The following LHFPL3 variants were observed in gnomAD, a reference collection of about 807,000 sequenced individuals.
The protein encoded by LHFPL3 is LHFPL tetraspan subfamily member 3 protein.
Under a neutral mutation model 19.3 loss-of-function variants are expected in LHFPL3, and 5 were observed. The observed-to-expected ratio is 0.26, with a 90% CI of 0.14 to 0.54. LHFPL3 has a LOEUF of 0.54. Among genes scored for constraint, LHFPL3 ranks in the 20% least tolerant of loss-of-function variants. LHFPL3 has a pLI of 0.94. For missense variants in LHFPL3, 249 were observed against 307.4 expected (o/e 0.81, Z 1.42); for synonymous variants, 133 against 126.2 (o/e 1.05, Z -0.36).
At chr7:104,448,395 C>T (rs1792371226) in intron 1 of LHFPL3, among the ~76,000 whole-genome samples, 1 of 152,128 alleles carries the variant, frequency 6.6e-6, no homozygotes, top group South Asian at 2.1e-4. Context: ...TATATGAAGA[C>T]CCTATAATTA....
chr7:104,856,080 G>C (rs1791500284), intron 2 of LHFPL3, among the ~76,000 whole-genome samples: 1 of 152,022 alleles, frequency 6.6e-6, no homozygotes, highest in Non-Finnish European at 1.5e-5. Context: ...AGAGATTCCT[G>C]CATTTAGATG....
intron 1 of LHFPL3, among the ~76,000 whole-genome samples, chr7:104,483,296 A>G (rs375144654): frequency 6.6e-5 from 10 of 152,328 alleles, no homozygotes; most frequent in East Asian, 3.9e-4. Flanking sequence ...ATTTCCCACA[A>G]GTGGTGATGC....
At chr7:104,617,049 G>T (rs1297326920) in intron 1 of LHFPL3, among the ~76,000 whole-genome samples, 1 of 152,122 alleles carries the variant, frequency 6.6e-6, no homozygotes, top group South Asian at 2.1e-4. Context: ...TTACACTGTT[G>T]GTGGAAGTGT....
chr7:104,481,157 G>T (rs373830564), intron 1 of LHFPL3, among the ~76,000 whole-genome samples: 3 of 152,312 alleles, frequency 2.0e-5, no homozygotes, highest in East Asian at 3.9e-4. Flanking sequence ...CTGTACTTCA[G>T]TGTTTGTGCC....
rs552912676 is a variant in LHFPL3, at chr7:104,684,939, A to G, written c.446-51736A>G. Among the ~76,000 whole-genome samples, 8 of 152,316 alleles carry G rather than the reference A, an allele frequency of 5.3e-5. No individual in the cohort carries two copies. In the East Asian group the frequency reaches 1.5e-3, roughly 29 times the overall value. The stretch of plus-strand genomic sequence containing the variant: ...CCTCTTTTGAGGGAAAAAGAAAATC[A>G]TTCTCATTCTATTTCTTTCATGGCA... On this transcript the variant is annotated intron_variant, in intron 1 of 2. Coordinates refer to ENST00000424859, the MANE Select transcript of LHFPL3 (RefSeq NM_199000.3).
intron 1 of LHFPL3, among the ~76,000 whole-genome samples, chr7:104,649,499 G>A (rs12705244): frequency 0.13 from 19,432 of 152,232 alleles, 1,461 homozygotes; most frequent in Non-Finnish European, 0.17. Flanking sequence ...GACAGCACCT[G>A]TCCCATAGTG....
At chr7:104,508,802 A>C (rs1584368475) in intron 1 of LHFPL3, among the ~76,000 whole-genome samples, 1 of 146,254 alleles carries the variant, frequency 6.8e-6, no homozygotes, top group Non-Finnish European at 1.5e-5. Context: ...AAAACAGAAG[A>C]AAAAAAGAGA....
At chr7:104,725,235 T>C (rs1257314079) in intron 1 of LHFPL3, among the ~76,000 whole-genome samples, 2 of 152,158 alleles carry the variant, frequency 1.3e-5, no homozygotes, top group African/African-American at 4.8e-5. Context: ...AGTTCTAAGA[T>C]AGCCTACCTT....
chr7:104,814,782 G>A (rs1294522579), intron 2 of LHFPL3, among the ~76,000 whole-genome samples: 2 of 152,242 alleles, frequency 1.3e-5, no homozygotes, highest in Non-Finnish European at 2.9e-5. Context: ...TGTCAGCACT[G>A]CCCCAAGTGT....
intron 1 of LHFPL3, among the ~76,000 whole-genome samples, chr7:104,516,387 A>G (rs1264130572): frequency 6.6e-6 from 1 of 152,158 alleles, no homozygotes. Context: ...TTGGGTAGGG[A>G]CACAGCCAAA....
At chr7:104,676,333 A>G (rs976648287) in intron 1 of LHFPL3, among the ~76,000 whole-genome samples, 1 of 152,226 alleles carries the variant, frequency 6.6e-6, no homozygotes, top group African/African-American at 2.4e-5. Flanking sequence ...TAACACATCA[A>G]TAGAGGCCTA....
At chr7:104,462,636 T>G (rs1250377124) in intron 1 of LHFPL3, among the ~76,000 whole-genome samples, 1 of 152,200 alleles carries the variant, frequency 6.6e-6, no homozygotes, top group African/African-American at 2.4e-5. Flanking sequence ...TGGATTCAGT[T>G]TGCAAGTATT....
intron 1 of LHFPL3, among the ~76,000 whole-genome samples, chr7:104,589,777 C>A (rs562179010): frequency 3.3e-5 from 5 of 152,108 alleles, no homozygotes; most frequent in Admixed American, 3.3e-4. Flanking sequence ...TTAATTATTG[C>A]CTCAATTTCA....
chr7:104,594,725 T>A (rs1790805090), intron 1 of LHFPL3, among the ~76,000 whole-genome samples: 1 of 152,202 alleles, frequency 6.6e-6, no homozygotes. Context: ...CCTTGGAGGC[T>A]TTGTTCATTC....
intron 1 of LHFPL3, among the ~76,000 whole-genome samples, chr7:104,574,473 T>C (rs1236421184): frequency 6.6e-6 from 1 of 152,224 alleles, no homozygotes; most frequent in East Asian, 1.9e-4. Context: ...GTAAGAATTT[T>C]GGCAAATGCT....
intron 1 of LHFPL3, among the ~76,000 whole-genome samples, chr7:104,466,663 T>A (rs1411870860): frequency 6.6e-6 from 1 of 152,230 alleles, no homozygotes; most frequent in Non-Finnish European, 1.5e-5. Context: ...TGGCTTTATG[T>A]TGTTTTTGTT....
At chr7:104,730,146 G>A (rs1320790371) in intron 1 of LHFPL3, among the ~76,000 whole-genome samples, 1 of 152,068 alleles carries the variant, frequency 6.6e-6, no homozygotes. Context: ...GTCTATCATT[G>A]TTGCACATTT....
At chr7:104,786,204 A>G (rs1027744821) in intron 2 of LHFPL3, among the ~76,000 whole-genome samples, 4 of 152,206 alleles carry the variant, frequency 2.6e-5, no homozygotes, top group Admixed American at 2.0e-4. Flanking sequence ...CAGCTTAGCC[A>G]CTGGTTAAAG....
intron 1 of LHFPL3, among the ~76,000 whole-genome samples, chr7:104,535,925 C>T (rs1794380969): frequency 6.6e-6 from 1 of 152,214 alleles, no homozygotes; most frequent in African/African-American, 2.4e-5. Flanking sequence ...GCACATACCT[C>T]AACGACCTTT....
Sources: allele counts gnomAD v4.1 joint callset (sites outside exome capture counted in the v4.1 genomes callset), GRCh38; gene constraint gnomAD v4.1.1; transcripts MANE v1.5; gene names NCBI Gene and HGNC (gene_info 2026-07-23, HGNC 2026-07-21).